RAB6A: variants seen among roughly 807,000 people sequenced by gnomAD.
The protein encoded by RAB6A is ras-related protein Rab-6A.
RAB6A carries 8 observed loss-of-function variants against 32.3 expected under a neutral mutation model. The observed-to-expected ratio is 0.25, with a 90% CI of 0.15 to 0.45. RAB6A has a LOEUF of 0.45. Among genes scored for constraint, RAB6A ranks in the 20% least tolerant of loss-of-function variants. RAB6A has a pLI of 1.00. For missense variants in RAB6A, 104 were observed against 249.4 expected (o/e 0.42, Z 3.93); for synonymous variants, 73 against 82.1 (o/e 0.89, Z 0.60).
At chr11:73,703,643 G>A (rs181588829) in intron 6 of RAB6A, among the ~76,000 whole-genome samples, 9 of 152,356 alleles carry the variant, frequency 5.9e-5, no homozygotes, top group African/African-American at 2.2e-4. Flanking sequence ...GCAGGAGGCT[G>A]AGGCATGAGA....
intron 6 of RAB6A, among the ~76,000 whole-genome samples, chr11:73,681,120 C>T (rs1442078113): frequency 6.6e-6 from 1 of 152,180 alleles, no homozygotes; most frequent in Non-Finnish European, 1.5e-5. Flanking sequence ...CAAGTACTTG[C>T]TTACTTGAGG....
At position 73,720,857 on chromosome 11, in the gene RAB6A, C is replaced by T. The variant is rs769884344; in HGVS notation, c.172G>A (p.Glu58Lys). The T allele has an allele frequency of 6.2e-7, 1 of 1,608,508 alleles. No individual in the cohort carries two copies. The change falls in exon 3 of 8, where the codon GAG (glutamate) becomes AAG (lysine). Residue 58 changes from glutamate to lysine, a missense_variant. Physicochemically the swap from Glu to Lys is moderately conservative, Grantham distance 56. Coordinates refer to ENST00000336083, the MANE Select transcript of RAB6A (RefSeq NM_198896.2). ...IDFLSKTMYL[E>K]DRTVRLQLWD... ...AAAATATTACTCACTGTTCGATCCTCCAAGTACATAGTTTTTGATAAAAAG... is the reference window on the plus strand; with the variant it reads ...AAAATATTACTCACTGTTCGATCCTTCAAGTACATAGTTTTTGATAAAAAG...
intron 5 of RAB6A, among the ~76,000 whole-genome samples, chr11:73,712,355 TTCC>T (rs1945970087): frequency 1.4e-5 from 2 of 146,488 alleles, no homozygotes; most frequent in African/African-American, 4.9e-5. Context: ...TTCCTAGCTT[TTCC>T]TTTTTTTTTT....
In RAB6A at chr11:73,677,616, A is replaced by G; in HGVS notation, c.*282T>C. 1.3e-6 allele frequency: 1 copy of G among 774,844 alleles called. No homozygotes were observed. 48.0% of individuals were successfully genotyped at this position (774,844 alleles called of 1,614,324 possible). On this transcript the variant is annotated 3_prime_UTR_variant, in exon 8 of 8. Coordinates refer to ENST00000336083, the MANE Select transcript of RAB6A (RefSeq NM_198896.2). Reference sequence around the variant, plus strand: ...TTGAAGTACATTATCATAACATTAAAAAAGAAAAAAATGTTAAGAAAATGT... The same window carrying G: ...TTGAAGTACATTATCATAACATTAAGAAAGAAAAAAATGTTAAGAAAATGT...
intron 6 of RAB6A, among the ~76,000 whole-genome samples, chr11:73,690,718 C>A (rs12271183): frequency 0.01 from 1,436 of 139,824 alleles, 16 homozygotes; most frequent in African/African-American, 0.034. Context: ...AAAAAAAAAA[C>A]CCAAACAAAT....
intron 1 of RAB6A, among the ~76,000 whole-genome samples, chr11:73,745,014 AGACT>A (rs1590887144): frequency 6.6e-6 from 1 of 152,042 alleles, no homozygotes; most frequent in East Asian, 1.9e-4. Flanking sequence ...TACTGGCATA[AGACT>A]GACTACTAGC....
intron 6 of RAB6A, among the ~76,000 whole-genome samples, chr11:73,702,068 C>G (rs1453259717): frequency 6.6e-6 from 1 of 152,240 alleles, no homozygotes; most frequent in Non-Finnish European, 1.5e-5. Context: ...CAGAACTAAT[C>G]AGCAAAGCGA....
intron 5 of RAB6A, among the ~76,000 whole-genome samples, chr11:73,713,704 TA>T (rs1176880765): frequency 6.6e-6 from 1 of 152,338 alleles, no homozygotes; most frequent in Non-Finnish European, 1.5e-5. Context: ...GTCATGCTTA[TA>T]AAAGCCCAAA....
chr11:73,728,551 T>C (rs1006274215), intron 2 of RAB6A, among the ~76,000 whole-genome samples: 6 of 149,300 alleles, frequency 4.0e-5, no homozygotes, highest in East Asian at 2.0e-4. Context: ...GGTGAAAGGG[T>C]TGCTTGGGCC....
At chr11:73,701,797 G>A (rs1945749928) in intron 6 of RAB6A, among the ~76,000 whole-genome samples, 2 of 151,910 alleles carry the variant, frequency 1.3e-5, no homozygotes, top group South Asian at 4.2e-4. Context: ...GGACTACCAC[G>A]CTGGGTTAAT....
chr11:73,693,389 A>AT (rs1945607277), intron 6 of RAB6A, among the ~76,000 whole-genome samples: 1 of 152,084 alleles, frequency 6.6e-6, no homozygotes, highest in African/African-American at 2.4e-5. Context: ...AGACCAAAAG[A>AT]TTAACCAGTA....
chr11:73,679,929 T>C (rs1555053223), intron 6 of RAB6A, among the ~76,000 whole-genome samples: 1 of 151,476 alleles, frequency 6.6e-6, no homozygotes, highest in Non-Finnish European at 1.5e-5. Flanking sequence ...ACTCTGTCTC[T>C]ACAAAAAAAA....
At chr11:73,748,832 A>G (rs1946631943) in intron 1 of RAB6A, among the ~76,000 whole-genome samples, 1 of 152,206 alleles carries the variant, frequency 6.6e-6, no homozygotes, top group East Asian at 1.9e-4. Flanking sequence ...ACTTTAAAAA[A>G]TTATGGATTA....
At chr11:73,702,339 A>C (rs1253406900) in intron 6 of RAB6A, among the ~76,000 whole-genome samples, 1 of 151,810 alleles carries the variant, frequency 6.6e-6, no homozygotes, top group East Asian at 1.9e-4. Flanking sequence ...TTTCAAAAAA[A>C]TTTTTCTACT....
intron 2 of RAB6A, 72 bp downstream of exon 2, chr11:73,730,693 T>A (rs1590871321): frequency 7.8e-7 from 1 of 1,278,650 alleles, no homozygotes; most frequent in Admixed American, 2.1e-5. Flanking sequence ...AAGTAAATAA[T>A]TTTTTAAAAA....
intron 6 of RAB6A, among the ~76,000 whole-genome samples, chr11:73,701,733 T>G (rs1024594565): frequency 3.3e-5 from 5 of 151,438 alleles, no homozygotes; most frequent in African/African-American, 1.2e-4. Context: ...AGCTCACTGC[T>G]GCCTCGACCC....
intron 6 of RAB6A, among the ~76,000 whole-genome samples, chr11:73,704,953 G>A (rs773887012): frequency 3.4e-4 from 51 of 152,028 alleles, no homozygotes; most frequent in Admixed American, 7.2e-4. Flanking sequence ...CCGAGATCAC[G>A]CCACTGCACT....
intron 6 of RAB6A, among the ~76,000 whole-genome samples, chr11:73,682,488 C>T (rs925089902): frequency 1.1e-4 from 17 of 152,048 alleles, no homozygotes; most frequent in African/African-American, 3.9e-4. Flanking sequence ...ACAGTGAAAC[C>T]CCATCTCTAC....
Position 73,757,108 on chromosome 11 carries a change from T to TAC in RAB6A, c.70+3457_70+3458insGT, listed in dbSNP as rs1946764142. On this transcript the variant is annotated intron_variant, in intron 1 of 7. Transcript: ENST00000336083. ...TCTTAAATATACATACATATATATATATATATATATATATATATATATTTT... is the reference window on the plus strand; with the variant it reads ...TCTTAAATATACATACATATATATATACATATATATATATATATATATATTTT... 5.0e-4 allele frequency among the ~76,000 whole-genome samples: 19 copies of TAC among 38,196 alleles called. No individual in the cohort carries two copies. In the South Asian group the frequency reaches 0.012, roughly 23 times the overall value. The allele number at this position is 38,196 out of a possible 152,430, so 25.1% of individuals were successfully genotyped here. A position where few individuals can be genotyped will look rare whatever the true frequency, so the allele number is the denominator to read the frequency against.
Sources: allele counts gnomAD v4.1 joint callset (sites outside exome capture counted in the v4.1 genomes callset), GRCh38; gene constraint gnomAD v4.1.1; transcripts MANE v1.5; gene names NCBI Gene and HGNC (gene_info 2026-07-23, HGNC 2026-07-21).